Variants in EXO1 observed in about 807,000 individuals in gnomAD.
The protein encoded by EXO1 is exonuclease 1.
In EXO1, 69 loss-of-function variants were observed where a neutral mutation model predicts 84.5. The ratio of observed to expected loss-of-function variants is 0.82; its 90% CI spans 0.67 to 1.00. The LOEUF is 1.00. Ranked by LOEUF, EXO1 falls within the 50% of genes least tolerant of loss-of-function variation. EXO1 has a pLI of 0.00. For synonymous variants in EXO1, 373 were observed against 366.1 expected, an observed-to-expected ratio of 1.02 and a Z score of -0.21; for missense variants, 1,045 against 1,000.7, an observed-to-expected ratio of 1.04 and a Z score of -0.60.
At chr1:241,873,440 CTAT>C (rs1288144195) in intron 12 of EXO1, among the ~76,000 whole-genome samples, 2 of 152,132 alleles carry the variant, frequency 1.3e-5, no homozygotes, top group African/African-American at 4.8e-5. Context: ...ATTGTAGCCC[CTAT>C]TATTAATTTT....
Position 241,857,283 on chromosome 1 carries a change from A to G in EXO1, c.406-62A>G, listed in dbSNP as rs201705780. On this transcript the variant is annotated intron_variant, in intron 6 of 15. Transcript: ENST00000366548. The stretch of plus-strand genomic sequence containing the variant: ...GCTAGTAATAAAGTGGGTTTGAAAC[A>G]GGAAGTTGTTTAGTACTTTCCAGAT... 9,319 of 1,557,180 alleles carry G rather than the reference A, an allele frequency of 6.0e-3. 35 individuals carry two copies. The highest frequency in any genetic ancestry group is 7.4e-3 in the Non-Finnish European group (8,412 of 1,130,486).
At chr1:241,854,201 G>A (rs1308484056) in intron 6 of EXO1, among the ~76,000 whole-genome samples, 1 of 152,134 alleles carries the variant, frequency 6.6e-6, no homozygotes, top group Admixed American at 6.5e-5. Context: ...GCAATGGCAC[G>A]ATGTGGGCTC....
At chr1:241,883,900 G>T (rs1327470910) in intron 14 of EXO1, among the ~76,000 whole-genome samples, 1 of 152,122 alleles carries the variant, frequency 6.6e-6, no homozygotes, top group Admixed American at 6.6e-5. Flanking sequence ...TGTCTAGATA[G>T]TAAACCATCA....
rs1574179882 is a variant in EXO1 at position 241,879,606 on chromosome 1, T to C, written c.2109+263T>C. On this transcript the variant is annotated intron_variant, in intron 13 of 15. Transcript: ENST00000366548. ...TTCGATTGGTGAGTATCTCAAGGGG[T>C]GCCACAGTTAAAACCGAGGCAGAGT... 3.3e-5 allele frequency among the ~76,000 whole-genome samples: 5 copies of C among 152,184 alleles called. No individual in the cohort carries two copies. In the South Asian group the frequency reaches 1.0e-3, roughly 31 times the overall value.
At chr1:241,859,043 CTG>C (rs1481189631) in intron 8 of EXO1, among the ~76,000 whole-genome samples, 1 of 152,132 alleles carries the variant, frequency 6.6e-6, no homozygotes, top group African/African-American at 2.4e-5. Context: ...GGTTCTCAAA[CTG>C]TTTGGTCGCA....
Position 241,853,438 on chromosome 1 carries a change from G to C in EXO1, c.362G>C (p.Arg121Pro). ...TCGGAAGCTCGAGAGTGTTTCACCC[G>C]GTCTATCAATATCACACATGCCATG... ...KVSEARECFT[R>P]SINITHAMAH... The change falls in exon 6 of 16, where the codon CGG (arginine) becomes CCG (proline). Residue 121 changes from arginine to proline, a missense_variant. Arg to Pro is a moderately radical substitution (Grantham distance 103). Coordinates refer to ENST00000366548, the MANE Select transcript of EXO1 (RefSeq NM_130398.4). 6.2e-7 allele frequency: 1 copy of C among 1,613,884 alleles called. No individual in the cohort carries two copies. The highest frequency in any genetic ancestry group is 8.5e-7 in the Non-Finnish European group (1 of 1,179,926).
chr1:241,863,896 T>A (rs1558130587), intron 10 of EXO1, among the ~76,000 whole-genome samples: 1 of 152,388 alleles, frequency 6.6e-6, no homozygotes, highest in South Asian at 2.1e-4. Flanking sequence ...TTTCTATCAG[T>A]GCAGGAAATT....
At chr1:241,875,650 G>A (rs939466022) in intron 12 of EXO1, among the ~76,000 whole-genome samples, 1 of 152,114 alleles carries the variant, frequency 6.6e-6, no homozygotes, top group Non-Finnish European at 1.5e-5. Context: ...AGGCCAAGGC[G>A]GTCGGATCAT....
intron 6 of EXO1, among the ~76,000 whole-genome samples, chr1:241,855,007 C>G (rs1159883147): frequency 6.6e-6 from 1 of 152,132 alleles, no homozygotes; most frequent in African/African-American, 2.4e-5. Flanking sequence ...AAGCTGCAGA[C>G]CTTTGCGGTG....
intron 10 of EXO1, among the ~76,000 whole-genome samples, chr1:241,865,973 G>A (rs548216236): frequency 1.8e-4 from 28 of 152,086 alleles, no homozygotes; most frequent in African/African-American, 6.5e-4. Context: ...AGTTCATGTG[G>A]GATTTTTGTC....
In EXO1 at chr1:241,850,473, C is replaced by T. The variant is rs541805721; in HGVS notation, c.48C>T (p.Pro16=). ...AATTTATCAAAGAAGCTTCAGAACC[C>T]ATCCATGTGAGGAAGTATAAAGGGC... The part of the protein sequence containing the change: ...LLQFIKEASE[P]IHVRKYKGQV... The change falls in exon 4 of 16, where the codon CCC becomes CCT. Residue 16 remains proline, a synonymous_variant. Transcript: ENST00000366548. 8 of 1,613,798 alleles carry T rather than the reference C, an allele frequency of 5.0e-6. No homozygotes were observed. The highest frequency in any genetic ancestry group is 6.8e-6 in the Non-Finnish European group (8 of 1,179,798).
chr1:241,884,397 T>A (rs917069554), intron 14 of EXO1, among the ~76,000 whole-genome samples: 22 of 152,204 alleles, frequency 1.4e-4, no homozygotes, highest in African/African-American at 5.3e-4. Flanking sequence ...TAAGAAACAA[T>A]AACAAAACTT....
At chr1:241,867,444 A>G (rs1661813581) in intron 11 of EXO1, among the ~76,000 whole-genome samples, 1 of 152,198 alleles carries the variant, frequency 6.6e-6, no homozygotes, top group African/African-American at 2.4e-5. Context: ...GTTATCTCCC[A>G]CCAGGTCCCT....
intron 10 of EXO1, among the ~76,000 whole-genome samples, chr1:241,866,496 A>AT (rs1480099245): frequency 2.0e-5 from 3 of 148,136 alleles, no homozygotes; most frequent in Non-Finnish European, 4.5e-5. Context: ...TATTACGAAG[A>AT]TTTTTATTTA....
In EXO1 at chr1:241,860,723, A is replaced by G; in HGVS notation, c.944+19A>G. On this transcript the variant is annotated intron_variant, in intron 9 of 15. Transcript: ENST00000366548. ...CTGGGCAGTATCCTTTCTGAAACAG[A>G]ATGGTAGAATTTGTGCATTTTTCTT... 1 of 1,595,836 alleles carries G rather than the reference A, an allele frequency of 6.3e-7. No individual in the cohort carries two copies. The highest frequency in any genetic ancestry group is 1.1e-5 in the South Asian group (1 of 90,806).
chr1:241,882,050 C>A, intron 14 of EXO1, 33 bp downstream of exon 14: 1 of 1,090,568 alleles, frequency 9.2e-7, no homozygotes, highest in Non-Finnish European at 1.4e-6. Flanking sequence ...TTTTTAATTT[C>A]AGAAGCGGTG....
At chr1:241,852,869 C>T (rs1234564571) in intron 5 of EXO1, among the ~76,000 whole-genome samples, 1 of 152,080 alleles carries the variant, frequency 6.6e-6, no homozygotes, top group East Asian at 1.9e-4. Context: ...GTTGGCCAGG[C>T]TGGTCTCAAA....
At chr1:241,886,732 T>C (rs1248726065) in intron 15 of EXO1, among the ~76,000 whole-genome samples, 1 of 152,190 alleles carries the variant, frequency 6.6e-6, no homozygotes, top group Non-Finnish European at 1.5e-5. Flanking sequence ...TTTTAAAATA[T>C]CTATTTTAAA....
At chr1:241,858,899 A>G (rs1322240261) in intron 8 of EXO1, among the ~76,000 whole-genome samples, 181 bp downstream of exon 8, 2 of 152,252 alleles carry the variant, frequency 1.3e-5, no homozygotes, top group Non-Finnish European at 2.9e-5. Flanking sequence ...TGGGAAAATC[A>G]TGTTTTCTGC....
Sources: allele counts gnomAD v4.1 joint callset (sites outside exome capture counted in the v4.1 genomes callset), GRCh38; gene constraint gnomAD v4.1.1; transcripts MANE v1.5; gene names NCBI Gene and HGNC (gene_info 2026-07-23, HGNC 2026-07-21).